Variants in CERS4 observed in about 807,000 individuals in gnomAD.
CERS4 encodes the protein LAG1 homolog, ceramide synthase 4.
In CERS4, 65 loss-of-function variants were observed where a neutral mutation model predicts 51.8. The ratio of observed to expected loss-of-function variants is 1.26; its 90% confidence interval spans 1.03 to 1.54. The LOEUF is 1.54. Ranked by LOEUF, CERS4 falls within the 40% of genes most tolerant of loss-of-function variation. The pLI is 0.00. For missense variants in CERS4, 563 were observed against 500.4 expected (o/e 1.13, Z -1.19); for synonymous variants, 228 against 208.4 (o/e 1.09, Z -0.81).
At chr19:8,255,968 CAG>C in intron 6 of CERS4, 89 bp downstream of exon 6, 9 of 1,405,556 alleles carry the variant, frequency 6.4e-6, no homozygotes, top group South Asian at 3.5e-5. Context: ...GTGGTGCAGC[CAG>C]AGAGGAAAAC....
intron 3 of CERS4, among the ~76,000 whole-genome samples, chr19:8,253,093 G>C (rs1467106213): frequency 1.3e-5 from 2 of 152,242 alleles, no homozygotes; most frequent in East Asian, 3.8e-4. Context: ...AGGCTGCTCT[G>C]AGCCTTTCAC....
At chr19:8,255,788 T>A (rs755751479) in intron 5 of CERS4, 34 bp from the exon 6 acceptor site, 2 of 1,612,936 alleles carry the variant, frequency 1.2e-6, no homozygotes, top group South Asian at 1.1e-5. Context: ...GGGGCGGGTG[T>A]CTGCTATTTT....
At chr19:8,216,892 T>G (rs1599508000) in intron 2 of CERS4, among the ~76,000 whole-genome samples, 2 of 151,412 alleles carry the variant, frequency 1.3e-5, no homozygotes, top group African/African-American at 2.4e-5. Flanking sequence ...CAGGCTTGGG[T>G]CCAAGTCCCA....
At chr19:8,257,179 AG>A in intron 9 of CERS4, 102 bp downstream of exon 9, 1 of 1,256,016 alleles carries the variant, frequency 8.0e-7, no homozygotes, top group South Asian at 1.5e-5. Flanking sequence ...TGGGAGATGG[AG>A]CCCCACCCCT....
At chr19:8,248,263 T>C (rs1283570070) in intron 2 of CERS4, among the ~76,000 whole-genome samples, 2 of 152,208 alleles carry the variant, frequency 1.3e-5, no homozygotes, top group African/African-American at 2.4e-5. Context: ...GGCCCAGCCC[T>C]GACCTGACAT....
intron 2 of CERS4, chr19:8,224,901 G>A (rs1211229287): frequency 6.6e-6 from 1 of 152,622 alleles, no homozygotes; most frequent in Non-Finnish European, 1.5e-5. Context: ...GTGGAGGGTG[G>A]GATCTTGGCC....
chr19:8,215,938 A>G (rs1242844179), intron 2 of CERS4, among the ~76,000 whole-genome samples: 1 of 152,028 alleles, frequency 6.6e-6, no homozygotes, highest in Non-Finnish European at 1.5e-5. Flanking sequence ...GGCATAAGCC[A>G]CCTCTCTGTG....
chr19:8,230,773 A>G (rs1853473366), intron 2 of CERS4, among the ~76,000 whole-genome samples: 1 of 152,198 alleles, frequency 6.6e-6, no homozygotes, highest in Non-Finnish European at 1.5e-5. Context: ...AAGCCCAAAC[A>G]GTGAATTTTT....
At chr19:8,245,122 A>AAAAAACAAACAAAAACAAAAAAAC (rs1968713228) in intron 2 of CERS4, among the ~76,000 whole-genome samples, 2 of 129,258 alleles carry the variant, frequency 1.5e-5, no homozygotes, top group African/African-American at 6.4e-5. Context: ...AAAAAAAAAA[A>AAAAAACAAACAAAAACAAAAAAAC]AAAAAAAAAA....
intron 2 of CERS4, among the ~76,000 whole-genome samples, chr19:8,247,144 C>A (rs1017684815): frequency 6.6e-6 from 1 of 152,142 alleles, no homozygotes; most frequent in Admixed American, 6.5e-5. Context: ...CCAGGCTGGG[C>A]GGCAGAGTGA....
At chr19:8,249,587 A>ATTTTTTTTTTTTTT (rs869119452) in intron 2 of CERS4, among the ~76,000 whole-genome samples, 1 of 91,380 alleles carries the variant, frequency 1.1e-5, no homozygotes. Context: ...GGAACTCTGG[A>ATTTTTTTTTTTTTT]TTTTTTTTTT....
At chr19:8,214,515 C>T (rs1404814440) in intron 2 of CERS4, 1 of 152,628 alleles carries the variant, frequency 6.6e-6, no homozygotes, top group Non-Finnish European at 1.5e-5. Flanking sequence ...GCTGGGGTGG[C>T]TGGAGCAAAC....
intron 2 of CERS4, among the ~76,000 whole-genome samples, chr19:8,227,837 T>G (rs2145199789): frequency 6.6e-6 from 1 of 152,124 alleles, no homozygotes; most frequent in South Asian, 2.1e-4. Flanking sequence ...AGGGAATTAT[T>G]GATTATTAGG....
rs768586194 is a variant in CERS4 at position 8,257,105 on chromosome 19, C to T, written c.741+28C>T. On this transcript the variant is annotated intron_variant, in intron 9 of 11. Transcript: ENST00000251363. ...GGGCCCGACCCCTGCCTGACCCTTC[C>T]CAGCTGCTGTACCCAGCCCTCCCAG... 8 of 1,568,080 alleles carry T rather than the reference C, an allele frequency of 5.1e-6. No homozygotes were observed. The East Asian group carries it at 1.6e-4, about 31-fold the overall frequency.
rs1599592992 is a variant in CERS4 at position 8,256,779 on chromosome 19, A to C, written c.612+69A>C. On this transcript the variant is annotated intron_variant, in intron 8 of 11. Transcript: ENST00000251363. Reference sequence around the variant, plus strand: ...ATGCTGGGGTGCTGGGGGGTAGGGCAGCCTTACAACCGCACCTTGAGAGCT... The same window carrying C: ...ATGCTGGGGTGCTGGGGGGTAGGGCCGCCTTACAACCGCACCTTGAGAGCT... 7 of 1,578,404 alleles carry C rather than the reference A, an allele frequency of 4.4e-6. No individual in the cohort carries two copies. In the South Asian group the frequency reaches 8.3e-5, roughly 19 times the overall value.
In CERS4 at chr19:8,258,546, T is replaced by C. The variant is rs143520883; in HGVS notation, c.848+561T>C. On this transcript the variant is annotated intron_variant, in intron 10 of 11. Coordinates refer to ENST00000251363, the MANE Select transcript of CERS4 (RefSeq NM_024552.3). ...CAACATAGTGAAACCCCATCTCTAC[T>C]AAAAATACAAAAGTTAGGCTGGCCA... Among the ~76,000 whole-genome samples, 1,050 of 151,510 alleles carry C rather than the reference T, an allele frequency of 6.9e-3. 10 individuals are homozygous for C. Among genetic ancestry groups the C allele is most frequent in the African/African-American group, 0.024 (998 of 41,246 alleles).
At position 8,215,719 on chromosome 19, in the gene CERS4, C is replaced by T. The variant is rs558326335; in HGVS notation, c.-2+4857C>T. ...TCTGTTGAGCCACGGCACTGTGACC[C>T]GGACTGTCCCCTCCATCCCCGTCCA... is the stretch of plus-strand genomic sequence containing the variant. On this transcript the variant is annotated intron_variant, in intron 2 of 11. Coordinates refer to ENST00000251363, the MANE Select transcript of CERS4 (RefSeq NM_024552.3). 7.9e-5 allele frequency among the ~76,000 whole-genome samples: 12 copies of T among 152,190 alleles called. No individual in the cohort carries two copies. The East Asian group carries it at 2.3e-3, about 29-fold the overall frequency.
chr19:8,229,565 G>A (rs1407446948), intron 2 of CERS4, among the ~76,000 whole-genome samples: 1 of 151,786 alleles, frequency 6.6e-6, no homozygotes, highest in Admixed American at 6.6e-5. Context: ...CTGCCACCAC[G>A]CCCAGCTATT....
chr19:8,215,749 G>C (rs543956083), intron 2 of CERS4, among the ~76,000 whole-genome samples: 3 of 152,282 alleles, frequency 2.0e-5, no homozygotes, highest in Admixed American at 1.3e-4. Context: ...CGTCCAAACT[G>C]GGAGGGGGCA....
Sources: allele counts gnomAD v4.1 joint callset (sites outside exome capture counted in the v4.1 genomes callset), GRCh38; gene constraint gnomAD v4.1.1; transcripts MANE v1.5; gene names NCBI Gene and HGNC (gene_info 2026-07-23, HGNC 2026-07-21).